The following CPLANE1 variants were observed in gnomAD, a reference collection of about 807,000 sequenced individuals.
CPLANE1 encodes ciliogenesis and planar polarity effector complex subunit 1.
A neutral mutation model predicts 362.5 loss-of-function variants in CPLANE1; 263 were observed. The observed-to-expected ratio is 0.73, with a 90% confidence interval of 0.66 to 0.80. CPLANE1 has a LOEUF of 0.80. Among genes scored for constraint, CPLANE1 ranks in the 30% least tolerant of loss-of-function variants. CPLANE1 has a pLI of 0.00. For synonymous variants in CPLANE1, 1,212 were observed against 1,302.6 expected (o/e 0.93, Z 1.50); for missense variants, 3,461 against 3,793.4 (o/e 0.91, Z 2.30).
At chr5:37,176,974 G>A (rs752994215) in intron 30 of CPLANE1, among the ~76,000 whole-genome samples, 13 of 151,984 alleles carry the variant, frequency 8.6e-5, no homozygotes, top group Non-Finnish European at 1.6e-4. Flanking sequence ...TAGCCAGGAT[G>A]GTCTTGATCT....
chr5:37,104,770 A>C (rs954376257), downstream of CPLANE1, among the ~76,000 whole-genome samples: 14 of 151,654 alleles, frequency 9.2e-5, no homozygotes, highest in South Asian at 1.0e-3. Flanking sequence ...CACACACACA[A>C]AAATTAGCTG....
chr5:37,102,447 C>CA (rs1162721995), downstream of CPLANE1, among the ~76,000 whole-genome samples: 2 of 152,168 alleles, frequency 1.3e-5, no homozygotes, highest in African/African-American at 4.8e-5. Context: ...CTCGGCCTCC[C>CA]AAAGTGCTGG....
chr5:37,099,946 CA>C, the CPLANE1 span, among the ~76,000 whole-genome samples: 1 of 152,096 alleles, frequency 6.6e-6, no homozygotes, highest in Non-Finnish European at 1.5e-5. Context: ...GTCATTTGCC[CA>C]GCTTTTAATG....
Position 37,142,313 on chromosome 5 carries a change from G to A in CPLANE1, c.8629C>T (p.Pro2877Ser), listed in dbSNP as rs1770008963. 4 of 1,567,510 alleles carry A rather than the reference G, an allele frequency of 2.6e-6. No homozygotes were observed. The highest frequency in any genetic ancestry group is 2.4e-5 in the South Asian group (2 of 82,912). Reference protein sequence around the residue: ...SSSSDQNTTSPGMNSSDELCE... With the variant: ...SSSSDQNTTSSGMNSSDELCE... ...ATGAAAAAGTAAAGAACAATACCAGGAGAAGTAGTATTCTGATCACTGGAA... is the reference window on the plus strand; with the variant it reads ...ATGAAAAAGTAAAGAACAATACCAGAAGAAGTAGTATTCTGATCACTGGAA... Residue 2877 changes from proline to serine, a missense_variant, in exon 44 of 53, where the codon CCT (proline) becomes TCT (serine). This residue lies in a region of CPLANE1 where 3,380 missense variants were observed against 3,666.1 expected (regional missense o/e 0.92). Coordinates refer to ENST00000651892, the MANE Select transcript of CPLANE1 (RefSeq NM_001384732.1).
chr5:37,245,288 T>G (rs1739184641), intron 4 of CPLANE1, among the ~76,000 whole-genome samples, 191 bp downstream of exon 4: 1 of 122,596 alleles, frequency 8.2e-6, no homozygotes, highest in Admixed American at 9.3e-5. Context: ...CAGATAAACA[T>G]AACCAAAACT....
At position 37,192,617 on chromosome 5, in the gene CPLANE1, C is replaced by T. The variant is rs554438983; in HGVS notation, c.3811+3241G>A. 7.2e-5 allele frequency among the ~76,000 whole-genome samples: 11 copies of T among 152,232 alleles called. No individual in the cohort carries two copies. In the East Asian group the frequency reaches 1.9e-3, roughly 27 times the overall value. ...CGGTGGCTCACACCTGTAATCCCAG[C>T]ACTTTGGGAGGCCAAGGCGGGCAGA... On this transcript the variant is annotated intron_variant, in intron 21 of 52. Transcript: ENST00000651892.
At chr5:37,099,999 T>C in the CPLANE1 span, among the ~76,000 whole-genome samples, 1 of 152,164 alleles carries the variant, frequency 6.6e-6, no homozygotes, top group African/African-American at 2.4e-5. Flanking sequence ...TCTTGTAGAC[T>C]CTGGATATTA....
the CPLANE1 span, among the ~76,000 whole-genome samples, chr5:37,078,962 G>A: frequency 6.6e-6 from 1 of 152,116 alleles, no homozygotes; most frequent in Non-Finnish European, 1.5e-5. Context: ...ACTTTTGTCA[G>A]ATGGACAGAT....
At chr5:37,160,176 T>C (rs1029268949) in intron 38 of CPLANE1, among the ~76,000 whole-genome samples, 3 of 152,188 alleles carry the variant, frequency 2.0e-5, no homozygotes, top group Non-Finnish European at 4.4e-5. Flanking sequence ...AGGAAACAGC[T>C]GCCAACTTCG....
intron 46 of CPLANE1, among the ~76,000 whole-genome samples, chr5:37,128,315 C>T (rs1764806939): frequency 6.6e-6 from 1 of 152,076 alleles, no homozygotes; most frequent in African/African-American, 2.4e-5. Flanking sequence ...TGTTTACTTA[C>T]ACCTATTACC....
chr5:37,188,762 A>C (rs1784688535), intron 21 of CPLANE1, among the ~76,000 whole-genome samples: 2 of 152,256 alleles, frequency 1.3e-5, no homozygotes, highest in African/African-American at 4.8e-5. Context: ...CTGGAAAAAG[A>C]AAAATATAGG....
chr5:37,238,184 T>C (rs2150665780), intron 8 of CPLANE1, among the ~76,000 whole-genome samples: 1 of 152,192 alleles, frequency 6.6e-6, no homozygotes, highest in East Asian at 1.9e-4. Flanking sequence ...TCTTTTTTTG[T>C]GTGTGTGTGA....
In CPLANE1 at chr5:37,227,552, TA is replaced by T. The variant is rs1382905527; in HGVS notation, c.1371+15del. The T allele has an allele frequency of 6.6e-7, 1 of 1,515,442 alleles. No individual in the cohort carries two copies. Among genetic ancestry groups the T allele is most frequent in the Non-Finnish European group, 8.8e-7 (1 of 1,133,552 alleles). The allele number at this position is 1,515,442 out of a possible 1,614,324, so 93.9% of individuals were successfully genotyped here. A position where few individuals can be genotyped will look rare whatever the true frequency, so the allele number is the denominator to read the frequency against. On this transcript the variant is annotated intron_variant, in intron 10 of 52. Coordinates refer to ENST00000651892, the MANE Select transcript of CPLANE1 (RefSeq NM_001384732.1). ...AAAAAGGCAACTTTCCCCAATGATA[TA>T]AAAAAGCACTATACCTTAGACAATA... is the stretch of plus-strand genomic sequence containing the variant.
intron 44 of CPLANE1, chr5:37,141,293 C>T: frequency 2.0e-6 from 2 of 985,362 alleles, no homozygotes; most frequent in South Asian, 9.4e-5. Flanking sequence ...ATAATTAGAA[C>T]CCTCTACCAT....
At chr5:37,134,536 T>A (rs1767000447) in intron 46 of CPLANE1, among the ~76,000 whole-genome samples, 1 of 152,206 alleles carries the variant, frequency 6.6e-6, no homozygotes, top group Non-Finnish European at 1.5e-5. Context: ...TCTTTTTTTC[T>A]TTGTTAATGT....
chr5:37,107,861 T>G, intron 52 of CPLANE1, 83 bp from the exon 53 acceptor site: 1 of 1,448,188 alleles, frequency 6.9e-7, no homozygotes, highest in Non-Finnish European at 9.1e-7. Context: ...GAACGTGAAC[T>G]AAGCTTTCCA....
At chr5:37,104,031 TC>T (rs1757422573), downstream of CPLANE1, among the ~76,000 whole-genome samples, 1 of 152,214 alleles carries the variant, frequency 6.6e-6, no homozygotes. Context: ...TTTTACATAA[TC>T]CCGTATTTCT....
chr5:37,201,968 T>C (rs182212736), intron 18 of CPLANE1, among the ~76,000 whole-genome samples, 160 bp from the exon 19 acceptor site: 5 of 152,274 alleles, frequency 3.3e-5, no homozygotes, highest in Non-Finnish European at 5.9e-5. Context: ...TTACAAACTA[T>C]CTTGTTACTT....
At chr5:37,142,664 GTAAA>G (rs1770140947) in intron 43 of CPLANE1, 184 bp from the exon 44 acceptor site, 1 of 405,656 alleles carries the variant, frequency 2.5e-6, no homozygotes, top group Admixed American at 4.4e-5. Context: ...CTCTCCCACA[GTAAA>G]TAAACAAGAT....
Sources: allele counts gnomAD v4.1 joint callset (sites outside exome capture counted in the v4.1 genomes callset), GRCh38; gene constraint gnomAD v4.1.1; regional missense constraint gnomAD v4.1.1; transcripts MANE v1.5; gene names NCBI Gene and HGNC (gene_info 2026-07-23, HGNC 2026-07-21).